MAP3K4: variants seen among roughly 807,000 people sequenced by gnomAD.
The protein encoded by MAP3K4 is MAP three kinase 1.
In MAP3K4, 67 loss-of-function variants were observed where a neutral mutation model predicts 185.6. That is an observed-to-expected ratio of 0.36 (90% CI 0.30 to 0.44). The LOEUF is 0.44. Among genes scored for constraint, MAP3K4 ranks in the 20% least tolerant of loss-of-function variants. MAP3K4 has a pLI of 1.00. For synonymous variants in MAP3K4, 702 were observed against 710.4 expected (o/e 0.99, Z 0.19); for missense variants, 1,551 against 1,995.1 (o/e 0.78, Z 4.24).
chr6:161,050,355 C>T (rs1252811273), intron 3 of MAP3K4, among the ~76,000 whole-genome samples: 6 of 152,130 alleles, frequency 3.9e-5, no homozygotes, highest in Non-Finnish European at 7.4e-5. Context: ...ATGAATAGGG[C>T]GCCCAAGGTC....
At position 161,114,212 on chromosome 6, in the gene MAP3K4, A is replaced by C. The variant is rs1304411967; in HGVS notation, c.4627-911A>C. On this transcript the variant is annotated intron_variant, in intron 25 of 26. Transcript: ENST00000392142. This position sits in a 1 kb window ranked among gnomAD's most constrained non-coding sequence, Gnocchi z 4.3. ...TTTAAATGTGCATAGCACTTAAACCAAGAAGTTTTCTGCTTCTGAAAATGT... is the reference window on the plus strand; with the variant it reads ...TTTAAATGTGCATAGCACTTAAACCCAGAAGTTTTCTGCTTCTGAAAATGT... 6.6e-6 allele frequency among the ~76,000 whole-genome samples: 1 copy of C among 152,154 alleles called. No individual in the cohort carries two copies.
chr6:161,086,344 A>G lies in MAP3K4; in HGVS notation c.2373-35A>G. The G allele has an allele frequency of 2.4e-6, 3 of 1,243,114 alleles. No individual in the cohort carries two copies. Among genetic ancestry groups the G allele is most frequent in the Non-Finnish European group, 3.5e-6 (3 of 856,018 alleles). 77.0% of individuals were successfully genotyped at this position (1,243,114 alleles called of 1,614,324 possible). A position where few individuals can be genotyped will look rare whatever the true frequency, so the allele number is the denominator to read the frequency against. Reference sequence around the variant, plus strand: ...CTCTTGCACCTCTGGAATATTCCCTAATGTGTTCTAACTGGACTTGAATCC... The same window carrying G: ...CTCTTGCACCTCTGGAATATTCCCTGATGTGTTCTAACTGGACTTGAATCC... On this transcript the variant is annotated intron_variant, in intron 7 of 26. Coordinates refer to ENST00000392142, the MANE Select transcript of MAP3K4 (RefSeq NM_005922.4). This position sits in a 1 kb window ranked among gnomAD's most constrained non-coding sequence, Gnocchi z 4.8.
At position 161,109,943 on chromosome 6, in the gene MAP3K4, G is replaced by A. The variant is rs904046270; in HGVS notation, c.4396+29G>A. 6.2e-7 allele frequency: 1 copy of A among 1,611,150 alleles called. No individual in the cohort carries two copies. Among genetic ancestry groups the A allele is most frequent in the African/African-American group, 1.3e-5 (1 of 74,786 alleles). On this transcript the variant is annotated intron_variant, in intron 23 of 26. Transcript: ENST00000392142. The surrounding 1 kb of genome is among the most constrained non-coding windows in gnomAD (Gnocchi z 5.7). ...ATCCCACACCCGCCTGGCTGCTGTG[G>A]GCCAGAGCCACTGGTACCCAGCCCG...
rs1777796280 is a variant in MAP3K4, at chr6:161,100,615, T to G, written c.3675-1277T>G. On this transcript the variant is annotated intron_variant, in intron 17 of 26. Transcript: ENST00000392142. This position sits in a 1 kb window ranked among gnomAD's most constrained non-coding sequence, Gnocchi z 5.8. The stretch of plus-strand genomic sequence containing the variant: ...ACAACCCACCTCCCCATCCCCGACA[T>G]CCCCCACCAGAGCTAGTCGTTCAAC... Among the ~76,000 whole-genome samples the G allele has an allele frequency of 6.6e-6, 1 of 151,882 alleles. No individual in the cohort carries two copies. Among genetic ancestry groups the G allele is most frequent in the Admixed American group, 6.6e-5 (1 of 15,248 alleles).
chr6:161,064,064 G>A lies in MAP3K4; in HGVS notation c.1708-6544G>A, dbSNP rs921931844. ...CCATTTTTATGAGAGGGCGTTGAAG[G>A]GAAATTGAAACCCTGTTGCCACCAC... On this transcript the variant is annotated intron_variant, in intron 3 of 26. Transcript: ENST00000392142. This position sits in a 1 kb window ranked among gnomAD's most constrained non-coding sequence, Gnocchi z 4.3. 1.3e-5 allele frequency among the ~76,000 whole-genome samples: 2 copies of A among 152,046 alleles called. No homozygotes were observed. The highest frequency in any genetic ancestry group is 2.4e-5 in the African/African-American group (1 of 41,384).
intron 3 of MAP3K4, among the ~76,000 whole-genome samples, chr6:161,062,574 C>CCA (rs1240275660): frequency 2.3e-4 from 35 of 152,236 alleles, no homozygotes; most frequent in Middle Eastern, 6.8e-3. Flanking sequence ...CTGAGTTCTG[C>CCA]CATGTTTCTA....
chr6:161,042,159 A>G (rs954531077), intron 2 of MAP3K4, among the ~76,000 whole-genome samples: 9 of 152,082 alleles, frequency 5.9e-5, no homozygotes, highest in African/African-American at 1.7e-4. Context: ...GACTTGAATT[A>G]TATCTACACA....
chr6:161,099,643 C>T (rs1056151192), intron 17 of MAP3K4, among the ~76,000 whole-genome samples: 13 of 152,212 alleles, frequency 8.5e-5, no homozygotes, highest in African/African-American at 3.1e-4. Context: ...TGGCCTAAAA[C>T]ACAGTCATAA....
At position 161,054,295 on chromosome 6, in the gene MAP3K4, C is replaced by T. The variant is rs1037614905; in HGVS notation, c.1707+4316C>T. 2.0e-5 allele frequency among the ~76,000 whole-genome samples: 3 copies of T among 152,136 alleles called. No homozygotes were observed. Among genetic ancestry groups the T allele is most frequent in the Non-Finnish European group, 2.9e-5 (2 of 68,026 alleles). On this transcript the variant is annotated intron_variant, in intron 3 of 26. Transcript: ENST00000392142. This position sits in a 1 kb window ranked among gnomAD's most constrained non-coding sequence, Gnocchi z 4.2. ...TCAGCCTCCGGAGTAGCTGGGATTA[C>T]AGGCATGCGCCACTATGCCTGGCTA...
Position 161,096,435 on chromosome 6 carries a change from A to G in MAP3K4, c.3428-645A>G, listed in dbSNP as rs915804387. Among the ~76,000 whole-genome samples, 1 of 152,210 alleles carries G rather than the reference A, an allele frequency of 6.6e-6. No individual in the cohort carries two copies. The highest frequency in any genetic ancestry group is 1.5e-5 in the Non-Finnish European group (1 of 68,024). On this transcript the variant is annotated intron_variant, in intron 15 of 26. Transcript: ENST00000392142. This position sits in a 1 kb window ranked among gnomAD's most constrained non-coding sequence, Gnocchi z 4.9. The stretch of plus-strand genomic sequence containing the variant: ...ATGACGCATGTCCACTAATACTGAC[A>G]TCTAGTTATTGGGAAAGTGGAATTA...
chr6:160,999,905 A>G (rs1252279093), intron 1 of MAP3K4, among the ~76,000 whole-genome samples: 3 of 152,224 alleles, frequency 2.0e-5, no homozygotes, highest in Non-Finnish European at 4.4e-5. Context: ...AAAACTCATC[A>G]TCCACAACGT....
chr6:161,054,515 A>G lies in MAP3K4; in HGVS notation c.1707+4536A>G, dbSNP rs938730756. Among the ~76,000 whole-genome samples, 2 of 152,154 alleles carry G rather than the reference A, an allele frequency of 1.3e-5. No homozygotes were observed. The highest frequency in any genetic ancestry group is 1.3e-4 in the Admixed American group (2 of 15,278). Reference sequence around the variant, plus strand: ...CAAAATATTTTAAAAGAACTGAACTAGCAATACTAAAAAAAAATCTGTTTG... The same window carrying G: ...CAAAATATTTTAAAAGAACTGAACTGGCAATACTAAAAAAAAATCTGTTTG... On this transcript the variant is annotated intron_variant, in intron 3 of 26. Transcript: ENST00000392142. This position sits in a 1 kb window ranked among gnomAD's most constrained non-coding sequence, Gnocchi z 4.2.
At position 160,991,803 on chromosome 6, in the gene MAP3K4, C is replaced by G. The variant is rs1279287245; in HGVS notation, c.-129C>G. 2 of 1,067,528 alleles carry G rather than the reference C, an allele frequency of 1.9e-6. No homozygotes were observed. Among genetic ancestry groups the G allele is most frequent in the Non-Finnish European group, 2.5e-6 (2 of 807,400 alleles). The allele number at this position is 1,067,528 out of a possible 1,614,324, so 66.1% of individuals were successfully genotyped here. A position where few individuals can be genotyped will look rare whatever the true frequency, so the allele number is the denominator to read the frequency against. ...GTCGCCGTTTCCAAGATGGCCGCGGCGCGCACGGCTCCTGCGGCGGGGTAG... is the reference window on the plus strand; with the variant it reads ...GTCGCCGTTTCCAAGATGGCCGCGGGGCGCACGGCTCCTGCGGCGGGGTAG... On this transcript the variant is annotated 5_prime_UTR_variant, in exon 1 of 27. Coordinates refer to ENST00000392142, the MANE Select transcript of MAP3K4 (RefSeq NM_005922.4). The surrounding 1 kb of genome is among the most constrained non-coding windows in gnomAD (Gnocchi z 5.7).
Position 161,067,947 on chromosome 6 carries a change from G to A in MAP3K4, c.1708-2661G>A, listed in dbSNP as rs954017008. ...GCATTAGGAGTACAATAGGGAATTTGAGAACTAAGAGCTTGTTAACAAGGT... is the reference window on the plus strand; with the variant it reads ...GCATTAGGAGTACAATAGGGAATTTAAGAACTAAGAGCTTGTTAACAAGGT... On this transcript the variant is annotated intron_variant, in intron 3 of 26. Transcript: ENST00000392142. This position sits in a 1 kb window ranked among gnomAD's most constrained non-coding sequence, Gnocchi z 6.3. Among the ~76,000 whole-genome samples the A allele has an allele frequency of 1.3e-5, 2 of 152,196 alleles. No homozygotes were observed. Among genetic ancestry groups the A allele is most frequent in the African/African-American group, 4.8e-5 (2 of 41,468 alleles).
At position 161,115,340 on chromosome 6, in the gene MAP3K4, G is replaced by A; in HGVS notation, c.4806+38G>A. 1 of 1,561,350 alleles carries A rather than the reference G, an allele frequency of 6.4e-7. No homozygotes were observed. The highest frequency in any genetic ancestry group is 8.7e-7 in the Non-Finnish European group (1 of 1,148,476). On this transcript the variant is annotated intron_variant, in intron 26 of 26. Transcript: ENST00000392142. This position sits in a 1 kb window ranked among gnomAD's most constrained non-coding sequence, Gnocchi z 6.0. ...ACTGGATAGTCTTTTTCATGTTTAA[G>A]TGTTTAAGTTCTGTTTTGCATCAAG...
chr6:160,998,852 C>A (rs1002211493), intron 1 of MAP3K4, among the ~76,000 whole-genome samples: 1 of 152,200 alleles, frequency 6.6e-6, no homozygotes, highest in Non-Finnish European at 1.5e-5. Context: ...CATTTTTAGA[C>A]CCCTGCAGAT....
At chr6:161,028,557 G>A (rs186104682) in intron 1 of MAP3K4, among the ~76,000 whole-genome samples, 1 of 152,282 alleles carries the variant, frequency 6.6e-6, no homozygotes, top group East Asian at 1.9e-4. Context: ...ATCTGCACCA[G>A]CCACTGTTCT....
chr6:161,052,250 A>G (rs1256343760), intron 3 of MAP3K4, among the ~76,000 whole-genome samples: 1 of 149,712 alleles, frequency 6.7e-6, no homozygotes, highest in Non-Finnish European at 1.5e-5. Context: ...TCCCTTAGAT[A>G]TGTTATAGCA....
chr6:161,038,310 C>T (rs1783278784), intron 2 of MAP3K4, among the ~76,000 whole-genome samples: 1 of 152,208 alleles, frequency 6.6e-6, no homozygotes, highest in African/African-American at 2.4e-5. Flanking sequence ...GAACAAGTGA[C>T]ATTTGTGCTG....
Sources: allele counts gnomAD v4.1 joint callset (sites outside exome capture counted in the v4.1 genomes callset), GRCh38; gene constraint gnomAD v4.1.1; non-coding constraint Gnocchi (gnomAD v3.1); transcripts MANE v1.5; gene names NCBI Gene and HGNC (gene_info 2026-07-23, HGNC 2026-07-21).